Variants in SPATS2L observed in about 807,000 individuals in gnomAD.
SPATS2L encodes spermatogenesis associated serine rich 2 like, also known as SPATS2-like protein.
In SPATS2L, 30 loss-of-function variants were observed where a neutral mutation model predicts 59.6. That is an observed-to-expected ratio of 0.50 (90% confidence interval 0.38 to 0.68). The LOEUF is 0.68. SPATS2L is among the 30% of genes least tolerant of loss of function. The pLI, the probability that SPATS2L is intolerant of heterozygous loss-of-function variation, is 0.00. For missense variants in SPATS2L, 615 were observed against 700.0 expected, an observed-to-expected ratio of 0.88 and a Z score of 1.37; for synonymous variants, 252 against 263.5, an observed-to-expected ratio of 0.96 and a Z score of 0.42.
chr2:200,412,481 T>C (rs2082911157), intron 4 of SPATS2L, 62 bp downstream of exon 4: 4 of 920,800 alleles, frequency 4.3e-6, no homozygotes, highest in Admixed American at 2.9e-5. Context: ...ATATTCCATA[T>C]TTTTTCCTTA....
Position 200,425,023 on chromosome 2 carries a change from T to C in SPATS2L, c.445+5527T>C, listed in dbSNP as rs188597499. 2.6e-3 allele frequency among the ~76,000 whole-genome samples: 398 copies of C among 152,178 alleles called. 16 individuals are homozygous for C. Among genetic ancestry groups the C allele is most frequent in the Admixed American group, 0.024 (363 of 15,286 alleles). ...GTTTTTACCTTAGCAATGCAGATTC[T>C]GTGCTTGGGCGCAGCACCTGCGCAG... On this transcript the variant is annotated intron_variant, in intron 6 of 12. Transcript: ENST00000409140.
chr2:200,466,256 G>A (rs1315483232), intron 9 of SPATS2L, among the ~76,000 whole-genome samples: 1 of 152,214 alleles, frequency 6.6e-6, no homozygotes, highest in Non-Finnish European at 1.5e-5. Flanking sequence ...GTTCAGCCAA[G>A]CATAGAATGT....
intron 8 of SPATS2L, among the ~76,000 whole-genome samples, chr2:200,457,942 G>C (rs1232890832): frequency 6.6e-6 from 1 of 152,196 alleles, no homozygotes; most frequent in African/African-American, 2.4e-5. Context: ...AAAAGTCCAT[G>C]TGATGGAACA....
At chr2:200,379,297 T>A (rs1240915006) in intron 2 of SPATS2L, among the ~76,000 whole-genome samples, 1 of 152,160 alleles carries the variant, frequency 6.6e-6, no homozygotes, top group African/African-American at 2.4e-5. Flanking sequence ...TATTTTTCTA[T>A]AAAATGGTGA....
chr2:200,349,748 T>G (rs1416352221), intron 2 of SPATS2L, among the ~76,000 whole-genome samples: 1 of 152,236 alleles, frequency 6.6e-6, no homozygotes, highest in Non-Finnish European at 1.5e-5. Context: ...CTTCTCCTTC[T>G]GGTCTCCTGT....
At position 200,447,010 on chromosome 2, in the gene SPATS2L, T is replaced by C. The variant is rs190205666; in HGVS notation, c.788+6226T>C. Reference sequence around the variant, plus strand: ...TCTGTTTTTCATCATAGAATTCTACTCAGTCCTTAGAAGAAAATGGAAAAA... The same window carrying C: ...TCTGTTTTTCATCATAGAATTCTACCCAGTCCTTAGAAGAAAATGGAAAAA... On this transcript the variant is annotated intron_variant, in intron 8 of 12. Transcript: ENST00000409140. Among the ~76,000 whole-genome samples, 158 of 152,316 alleles carry C rather than the reference T, an allele frequency of 1.0e-3. 1 individual carries two copies. The highest frequency in any genetic ancestry group is 2.4e-3 in the Admixed American group (37 of 15,292).
intron 5 of SPATS2L, among the ~76,000 whole-genome samples, chr2:200,417,201 A>G (rs2083100218): frequency 6.6e-6 from 1 of 152,178 alleles, no homozygotes; most frequent in Admixed American, 6.5e-5. Flanking sequence ...TACCCTTCCC[A>G]GTGGGGGAAG....
intron 2 of SPATS2L, among the ~76,000 whole-genome samples, chr2:200,346,311 G>A (rs2080510193): frequency 6.6e-6 from 1 of 152,092 alleles, no homozygotes; most frequent in Non-Finnish European, 1.5e-5. Flanking sequence ...AACTTCTTGG[G>A]GAACATTAGA....
intron 2 of SPATS2L, among the ~76,000 whole-genome samples, chr2:200,356,964 A>T (rs1465130589): frequency 1.3e-5 from 2 of 152,216 alleles, no homozygotes; most frequent in Non-Finnish European, 2.9e-5. Context: ...GGGCAGAGCC[A>T]TCATGACCTA....
chr2:200,376,126 G>C (rs769352751), intron 2 of SPATS2L, among the ~76,000 whole-genome samples: 2 of 152,206 alleles, frequency 1.3e-5, no homozygotes, highest in African/African-American at 2.4e-5. Context: ...CTTTGGAAGA[G>C]AGAAAGGCAA....
intron 6 of SPATS2L, among the ~76,000 whole-genome samples, chr2:200,426,433 G>T (rs771043411): frequency 1.2e-4 from 18 of 152,100 alleles, no homozygotes; most frequent in Non-Finnish European, 2.4e-4. Flanking sequence ...ATGCATTTTT[G>T]AAGTTTATAT....
chr2:200,481,392 A>C lies in SPATS2L; in HGVS notation c.*3361A>C, dbSNP rs542136338. 3.9e-5 allele frequency: 6 copies of C among 152,334 alleles called. No individual in the cohort carries two copies. The South Asian group carries it at 1.2e-3, about 32-fold the overall frequency. 9.4% of individuals were successfully genotyped at this position (152,334 alleles called of 1,614,324 possible). ...TCTGAAAGCCTTGATTTGAACCTCA[A>C]ACTTGATTTCACCATGAGAAGTGGG... On this transcript the variant is annotated 3_prime_UTR_variant, in exon 13 of 13. Coordinates refer to ENST00000409140, the MANE Select transcript of SPATS2L (RefSeq NM_001100423.2).
chr2:200,407,174 C>G (rs1011338663), intron 3 of SPATS2L, among the ~76,000 whole-genome samples: 1 of 152,170 alleles, frequency 6.6e-6, no homozygotes, highest in African/African-American at 2.4e-5. Flanking sequence ...TTACAGGCAT[C>G]ATCCCTTTCC....
At chr2:200,339,603 T>C (rs2080255340) in intron 2 of SPATS2L, among the ~76,000 whole-genome samples, 1 of 152,214 alleles carries the variant, frequency 6.6e-6, no homozygotes, top group Non-Finnish European at 1.5e-5. Flanking sequence ...CCATTTGCTT[T>C]TTATGTATAG....
chr2:200,440,578 G>A, intron 7 of SPATS2L, 71 bp from the exon 8 acceptor site: 1 of 1,478,308 alleles, frequency 6.8e-7, no homozygotes, highest in Non-Finnish European at 9.3e-7. Context: ...TAATTGCTTT[G>A]TTTTGTTGTT....
intron 8 of SPATS2L, among the ~76,000 whole-genome samples, chr2:200,441,982 A>T (rs1385600123): frequency 6.6e-6 from 1 of 152,172 alleles, no homozygotes; most frequent in Non-Finnish European, 1.5e-5. Context: ...GCTATGTATC[A>T]TATAAGATCC....
intron 9 of SPATS2L, chr2:200,461,108 G>A (rs912572264): frequency 2.6e-5 from 4 of 152,022 alleles, no homozygotes; most frequent in East Asian, 3.9e-4. Flanking sequence ...CACCGCGCCC[G>A]GCCTAAACAG....
rs200186594 is a variant in SPATS2L, at chr2:200,477,761, C to T, written c.1407C>T (p.His469=). The T allele has an allele frequency of 5.5e-5, 87 of 1,581,952 alleles. No individual in the cohort carries two copies. Among genetic ancestry groups the T allele is most frequent in the East Asian group, 4.9e-4 (21 of 43,090 alleles). The stretch of plus-strand genomic sequence containing the variant: ...CACTGGGAAAGGGCAACAGCCGCCA[C>T]GAACACAGAAGACAGCCGCACAACG... ...AEPLGKGNSR[H]EHRRQPHNGF... is the part of the protein sequence containing the mutation. Residue 469 remains histidine, a synonymous_variant, in exon 13 of 13, where the codon CAC becomes CAT. Transcript: ENST00000409140.
At chr2:200,416,462 C>A in intron 5 of SPATS2L, 34 bp downstream of exon 5, 1 of 1,225,160 alleles carries the variant, frequency 8.2e-7, no homozygotes, top group East Asian at 2.7e-5. Context: ...TTGGTAACAT[C>A]TTCAATCAAA....
Sources: allele counts gnomAD v4.1 joint callset (sites outside exome capture counted in the v4.1 genomes callset), GRCh38; gene constraint gnomAD v4.1.1; transcripts MANE v1.5; gene names NCBI Gene and HGNC (gene_info 2026-07-23, HGNC 2026-07-21).